ZNF521: variants seen among roughly 807,000 people sequenced by gnomAD.
ZNF521 encodes zinc finger protein 521.
A neutral mutation model predicts 105.5 loss-of-function variants in ZNF521; 14 were observed. The ratio of observed to expected loss-of-function variants is 0.13; its 90% CI spans 0.09 to 0.21. ZNF521 has a LOEUF of 0.21. Among genes scored for constraint, ZNF521 ranks in the 10% least tolerant of loss-of-function variants. ZNF521 has a pLI of 1.00. For synonymous variants in ZNF521, 635 were observed against 606.0 expected (o/e 1.05, Z -0.70); for missense variants, 1,233 against 1,629.7 (o/e 0.76, Z 4.19).
intron 4 of ZNF521, among the ~76,000 whole-genome samples, chr18:25,200,362 C>T (rs1259007143): frequency 6.6e-6 from 1 of 151,548 alleles, no homozygotes; most frequent in Non-Finnish European, 1.5e-5. Flanking sequence ...TAGTCTATTT[C>T]AAGATTTTCC....
chr18:25,101,003 C>T (rs756113559), intron 5 of ZNF521, among the ~76,000 whole-genome samples: 4 of 152,158 alleles, frequency 2.6e-5, no homozygotes, highest in African/African-American at 4.8e-5. Context: ...GTGGCACATG[C>T]AGCTGTGGGG....
intron 3 of ZNF521, among the ~76,000 whole-genome samples, chr18:25,256,370 G>T (rs1303796827): frequency 1.3e-5 from 2 of 152,080 alleles, no homozygotes; most frequent in Non-Finnish European, 2.9e-5. Flanking sequence ...ACTTAAAAAT[G>T]ATTTGGATAT....
chr18:25,322,556 C>CAAAAAA (rs1311502086), intron 2 of ZNF521, among the ~76,000 whole-genome samples: 42 of 146,286 alleles, frequency 2.9e-4, no homozygotes, highest in Non-Finnish European at 4.2e-4. Flanking sequence ...AAAAAAAACC[C>CAAAAAA]CCCCACTGTG....
intron 5 of ZNF521, among the ~76,000 whole-genome samples, chr18:25,123,501 T>G (rs2034484048): frequency 1.3e-5 from 2 of 152,160 alleles, no homozygotes; most frequent in African/African-American, 2.4e-5. Context: ...CATTTCCTGA[T>G]AGTAAAGAGA....
At chr18:25,277,740 C>T (rs1200315669) in intron 3 of ZNF521, among the ~76,000 whole-genome samples, 3 of 152,160 alleles carry the variant, frequency 2.0e-5, no homozygotes, top group African/African-American at 7.2e-5. Context: ...TAAATAGAAA[C>T]ATTACTAAAG....
chr18:25,159,461 A>C lies in ZNF521; in HGVS notation c.3658+35699T>G, dbSNP rs147295438. Among the ~76,000 whole-genome samples, 188 of 152,300 alleles carry C rather than the reference A, an allele frequency of 1.2e-3. 1 individual carries two copies. The highest frequency in any genetic ancestry group is 0.01 in the South Asian group (49 of 4,828). On this transcript the variant is annotated intron_variant, in intron 5 of 7. Coordinates refer to ENST00000361524, the MANE Select transcript of ZNF521 (RefSeq NM_015461.3). ...GAGAAAAGAATCTAAACCAGGGAAC[A>C]TGTAAAAAACAGGAGTGTTGCTTTC... is the stretch of plus-strand genomic sequence containing the variant.
chr18:25,295,913 G>T (rs1323307307), intron 3 of ZNF521, among the ~76,000 whole-genome samples: 3 of 152,082 alleles, frequency 2.0e-5, no homozygotes, highest in African/African-American at 7.2e-5. Context: ...TTAAACTCCC[G>T]CCAGCAGTGT....
At chr18:25,141,571 G>T (rs1477841592) in intron 5 of ZNF521, among the ~76,000 whole-genome samples, 1 of 152,138 alleles carries the variant, frequency 6.6e-6, no homozygotes, top group Admixed American at 6.6e-5. Flanking sequence ...ACTGCTCTTT[G>T]CCAGAGATGG....
chr18:25,244,724 C>T (rs1907589349), intron 3 of ZNF521, among the ~76,000 whole-genome samples: 1 of 152,152 alleles, frequency 6.6e-6, no homozygotes, highest in African/African-American at 2.4e-5. Flanking sequence ...GGAGAAATTC[C>T]AAAAGGTACT....
chr18:25,128,038 C>CA (rs1279735766), intron 5 of ZNF521, among the ~76,000 whole-genome samples: 21 of 151,882 alleles, frequency 1.4e-4, no homozygotes, highest in African/African-American at 5.1e-4. Flanking sequence ...AACAATAGAC[C>CA]ACTATGCCTC....
Position 25,256,927 on chromosome 18 carries a change from G to A in ZNF521, c.221-29230C>T, listed in dbSNP as rs76388355. ...TGCCATTGGACTGAGTTCTGAAGAC[G>A]GCCATGGCAAAAAATACTTCAATAA... On this transcript the variant is annotated intron_variant, in intron 3 of 7. Coordinates refer to ENST00000361524, the MANE Select transcript of ZNF521 (RefSeq NM_015461.3). Among the ~76,000 whole-genome samples the A allele has an allele frequency of 3.8e-3, 571 of 152,110 alleles. 22 individuals carry two copies. The East Asian group carries it at 0.065, about 17-fold the overall frequency.
intron 3 of ZNF521, among the ~76,000 whole-genome samples, chr18:25,260,870 T>C (rs1421409782): frequency 2.0e-5 from 3 of 152,274 alleles, no homozygotes; most frequent in South Asian, 2.1e-4. Flanking sequence ...AAGGAAAATA[T>C]AGGTCACCAG....
chr18:25,322,928 T>C (rs1043193172), intron 2 of ZNF521, among the ~76,000 whole-genome samples: 2 of 152,144 alleles, frequency 1.3e-5, no homozygotes, highest in Non-Finnish European at 2.9e-5. Flanking sequence ...AAACTAAAAA[T>C]AGTTCCATTT....
At chr18:25,243,921 G>A (rs1907524179) in intron 3 of ZNF521, among the ~76,000 whole-genome samples, 1 of 152,142 alleles carries the variant, frequency 6.6e-6, no homozygotes, top group Non-Finnish European at 1.5e-5. Context: ...AATGAAAACA[G>A]AGCACATTGA....
At chr18:25,080,735 C>T (rs970197908) in intron 7 of ZNF521, among the ~76,000 whole-genome samples, 1 of 152,206 alleles carries the variant, frequency 6.6e-6, no homozygotes, top group Admixed American at 6.5e-5. Flanking sequence ...ATTGTCACAA[C>T]AGCTGGATAT....
At chr18:25,166,872 T>A (rs1200361225) in intron 5 of ZNF521, among the ~76,000 whole-genome samples, 1 of 152,238 alleles carries the variant, frequency 6.6e-6, no homozygotes, top group Non-Finnish European at 1.5e-5. Context: ...TTTGATTTAG[T>A]TCGTACATTA....
At chr18:25,149,826 G>A (rs948046550) in intron 5 of ZNF521, among the ~76,000 whole-genome samples, 2 of 152,194 alleles carry the variant, frequency 1.3e-5, no homozygotes, top group Non-Finnish European at 2.9e-5. Flanking sequence ...TGGTGCTCAT[G>A]AGACTCTGCC....
chr18:25,298,216 T>C (rs1015854756), intron 3 of ZNF521, among the ~76,000 whole-genome samples: 1 of 152,154 alleles, frequency 6.6e-6, no homozygotes, highest in African/African-American at 2.4e-5. Flanking sequence ...AATACAAAAT[T>C]TATAGAAGTC....
chr18:25,166,219 A>G (rs7241015), intron 5 of ZNF521, among the ~76,000 whole-genome samples: 142,497 of 152,222 alleles, frequency 0.94, 66,983 homozygotes, highest in Middle Eastern at 0.99. Context: ...TAAAAGACAC[A>G]GGGTACAGAT....
Sources: gnomAD v4.1 joint callset for allele counts (sites outside exome capture counted in the v4.1 genomes callset) on GRCh38, gnomAD v4.1.1 for gene constraint, MANE v1.5 for transcripts, NCBI Gene and HGNC (gene_info 2026-07-23, HGNC 2026-07-21) for gene names.